The following TNFRSF13B variants were observed in gnomAD, a reference collection of about 807,000 sequenced individuals.
The protein encoded by TNFRSF13B is TNF receptor superfamily member 13B.
A neutral mutation model predicts 24.0 loss-of-function variants in TNFRSF13B; 34 were observed. The observed-to-expected ratio is 1.41, with a 90% CI of 1.08 to 1.88. TNFRSF13B has a LOEUF of 1.88. Ranked by LOEUF, TNFRSF13B falls within the 40% of genes most tolerant of loss-of-function variation. The pLI is 0.00. For missense variants in TNFRSF13B, 415 were observed against 380.8 expected (o/e 1.09, Z -0.75); for synonymous variants, 173 against 150.3 (o/e 1.15, Z -1.10).
chr17:16,940,192 A>G (rs1237831557), intron 4 of TNFRSF13B, 134 bp downstream of exon 4: 3 of 1,576,168 alleles, frequency 1.9e-6, no homozygotes, highest in Middle Eastern at 2.3e-4. Context: ...GATTTTATCA[A>G]GGTATAGCAA....
At position 16,940,384 on chromosome 17, in the gene TNFRSF13B, ATCCC is replaced by A; in HGVS notation, c.569_572del (p.Gly190ValfsTer30). ...TTGAGCGGGGCTGGCAGGAGCAGGG[ATCCC>A]CCCTCTTCTTGAGGAAGCAGGCCAC... On this transcript the variant is annotated frameshift_variant, in exon 4 of 5. Coordinates refer to ENST00000261652, the MANE Select transcript of TNFRSF13B (RefSeq NM_012452.3). LOFTEE classifies it high-confidence loss of function. 2 of 1,613,992 alleles carry A rather than the reference ATCCC, an allele frequency of 1.2e-6. No homozygotes were observed. Among genetic ancestry groups the A allele is most frequent in the Non-Finnish European group, 1.7e-6 (2 of 1,179,996 alleles).
chr17:16,942,154 GT>G (rs978937884), intron 3 of TNFRSF13B, among the ~76,000 whole-genome samples: 31 of 152,264 alleles, frequency 2.0e-4, no homozygotes, highest in African/African-American at 6.7e-4. Flanking sequence ...GCTCTGTTTT[GT>G]TTTTTGAGGA....
intron 1 of TNFRSF13B, among the ~76,000 whole-genome samples, chr17:16,959,330 G>T (rs1468304107): frequency 6.6e-6 from 1 of 151,884 alleles, no homozygotes; most frequent in African/African-American, 2.4e-5. Context: ...CAAAAGCAAT[G>T]CAAAGAGGGA....
At chr17:16,943,611 C>T (rs2087526842) in intron 3 of TNFRSF13B, among the ~76,000 whole-genome samples, 1 of 152,172 alleles carries the variant, frequency 6.6e-6, no homozygotes, top group South Asian at 2.1e-4. Context: ...TGACCCCCTT[C>T]TCCCATGGCT....
intron 1 of TNFRSF13B, among the ~76,000 whole-genome samples, chr17:16,961,548 C>G (rs1464352825): frequency 6.6e-6 from 1 of 152,030 alleles, no homozygotes; most frequent in Non-Finnish European, 1.5e-5. Flanking sequence ...GGCAAATTCA[C>G]AGAGTTAGAG....
intron 1 of TNFRSF13B, among the ~76,000 whole-genome samples, chr17:16,966,839 C>CTTTTTTT (rs71152837): frequency 8.7e-4 from 41 of 47,332 alleles, no homozygotes; most frequent in Non-Finnish European, 1.3e-3. Flanking sequence ...TTTCTTTTTT[C>CTTTTTTT]TTTTTTTTTT....
At chr17:16,941,115 ATTG>A in intron 3 of TNFRSF13B, 1 of 667,210 alleles carries the variant, frequency 1.5e-6, no homozygotes, top group Non-Finnish European at 1.9e-6. Context: ...GTTATACTGT[ATTG>A]TTTAGGGATA....
intron 3 of TNFRSF13B, among the ~76,000 whole-genome samples, chr17:16,944,183 G>A (rs1365857912): frequency 6.6e-6 from 1 of 152,152 alleles, no homozygotes; most frequent in Non-Finnish European, 1.5e-5. Context: ...GAGAGGAAGG[G>A]ATTTATCCCA....
intron 1 of TNFRSF13B, among the ~76,000 whole-genome samples, chr17:16,960,202 CT>C (rs569345275): frequency 2.4e-3 from 363 of 152,116 alleles, no homozygotes; most frequent in African/African-American, 8.4e-3. Context: ...CTAAATCCAA[CT>C]TTTTTTAATG....
intron 1 of TNFRSF13B, among the ~76,000 whole-genome samples, chr17:16,965,551 G>T (rs370187626): frequency 6.6e-6 from 1 of 152,200 alleles, no homozygotes; most frequent in Non-Finnish European, 1.5e-5. Flanking sequence ...AAAGCAAGCC[G>T]CATTCTTGCA....
intron 3 of TNFRSF13B, among the ~76,000 whole-genome samples, chr17:16,941,919 A>G (rs781107890): frequency 6.6e-6 from 1 of 152,122 alleles, no homozygotes; most frequent in East Asian, 1.9e-4. Flanking sequence ...AAGGTCCACC[A>G]TGTCCTGCCG....
intron 3 of TNFRSF13B, 150 bp downstream of exon 3, chr17:16,948,588 T>G: frequency 8.7e-7 from 1 of 1,146,860 alleles, no homozygotes; most frequent in Admixed American, 2.1e-5. Context: ...ATTGTTTTTT[T>G]TATCCTGGGA....
Position 16,939,395 on chromosome 17 carries a change from G to T in TNFRSF13B, c.*152C>A. 5.6e-6 allele frequency: 5 copies of T among 891,298 alleles called. No homozygotes were observed. Among genetic ancestry groups the T allele is most frequent in the South Asian group, 2.1e-5 (1 of 47,882 alleles). 55.2% of individuals were successfully genotyped at this position (891,298 alleles called of 1,614,324 possible). Reference sequence around the variant, plus strand: ...TTCCCCTCTGTCTCTCTCTCCCTCTGTCTCTCTCTCCCTCTCTGTCTCCTC... The same window carrying T: ...TTCCCCTCTGTCTCTCTCTCCCTCTTTCTCTCTCTCCCTCTCTGTCTCCTC... On this transcript the variant is annotated 3_prime_UTR_variant, in exon 5 of 5. Coordinates refer to ENST00000261652, the MANE Select transcript of TNFRSF13B (RefSeq NM_012452.3).
At chr17:16,945,211 C>T (rs2087539114) in intron 3 of TNFRSF13B, among the ~76,000 whole-genome samples, 1 of 152,236 alleles carries the variant, frequency 6.6e-6, no homozygotes, top group African/African-American at 2.4e-5. Flanking sequence ...CCAACACATC[C>T]TCACACAGCC....
chr17:16,963,533 GTTTT>G (rs1555550148), intron 1 of TNFRSF13B, among the ~76,000 whole-genome samples: 2 of 149,322 alleles, frequency 1.3e-5, no homozygotes, highest in South Asian at 2.2e-4. Flanking sequence ...ATCAAGTTTT[GTTTT>G]TGTTTTTGTT....
chr17:16,950,784 G>A (rs1002996401), intron 2 of TNFRSF13B, among the ~76,000 whole-genome samples: 1 of 151,888 alleles, frequency 6.6e-6, no homozygotes, highest in African/African-American at 2.4e-5. Flanking sequence ...CCCCGCCTGG[G>A]ACTCAGTCCT....
At chr17:16,969,710 G>A (rs1276305105) in intron 1 of TNFRSF13B, among the ~76,000 whole-genome samples, 1 of 152,160 alleles carries the variant, frequency 6.6e-6, no homozygotes. Context: ...GCTTATTCTA[G>A]GGGAGGTGGG....
At position 16,966,832 on chromosome 17, in the gene TNFRSF13B, C is replaced by CTTTTTTTTTTTTTTTTTTTTTTTTT. The variant is rs796602708; in HGVS notation, c.61+5182_61+5183insAAAAAAAAAAAAAAAAAAAAAAAAA. On this transcript the variant is annotated intron_variant, in intron 1 of 4. Transcript: ENST00000261652. ...TTGGTTTTTTTTGTTTTTTCTTTTT[C>CTTTTTTTTTTTTTTTTTTTTTTTTT]TTTTTTCTTTTTTTTTTTTTTTTTG... 2.1e-5 allele frequency among the ~76,000 whole-genome samples: 2 copies of CTTTTTTTTTTTTTTTTTTTTTTTTT among 95,848 alleles called. 1 individual carries two copies. Among genetic ancestry groups the CTTTTTTTTTTTTTTTTTTTTTTTTT allele is most frequent in the African/African-American group, 8.3e-5 (2 of 23,954 alleles). The allele number at this position is 95,848 out of a possible 152,430, so 62.9% of individuals were successfully genotyped here.
intron 1 of TNFRSF13B, among the ~76,000 whole-genome samples, chr17:16,957,000 C>T (rs1439640586): frequency 2.0e-5 from 3 of 151,942 alleles, no homozygotes; most frequent in African/African-American, 4.8e-5. Flanking sequence ...ATGTAAACGT[C>T]GGACTTTAAA....
Sources: allele counts gnomAD v4.1 joint callset (sites outside exome capture counted in the v4.1 genomes callset), GRCh38; gene constraint gnomAD v4.1.1; transcripts MANE v1.5; gene names NCBI Gene and HGNC (gene_info 2026-07-23, HGNC 2026-07-21).